CENPU: variants seen among roughly 807,000 people sequenced by gnomAD.
The protein encoded by CENPU is centromere protein U.
CENPU carries 46 observed loss-of-function variants against 56.7 expected under a neutral mutation model. The observed-to-expected ratio is 0.81, with a 90% confidence interval of 0.64 to 1.04. The LOEUF (loss-of-function observed/expected upper bound fraction) is 1.04, where lower values mean the gene tolerates loss of function less well. Ranked by LOEUF, CENPU falls within the 50% of genes least tolerant of loss-of-function variation. The probability of loss-of-function intolerance (pLI) is 0.00; values close to 1 mark genes in which losing one functional copy is unlikely to be tolerated. For missense variants in CENPU, 510 were observed against 490.1 expected, an observed-to-expected ratio of 1.04 and a Z score of -0.38; for synonymous variants, 166 against 163.0, an observed-to-expected ratio of 1.02 and a Z score of -0.14.
chr4:184,697,798 TCTAAC>T lies in CENPU; in HGVS notation c.987_991del (p.Leu330AlafsTer11). 1 of 1,596,466 alleles carries T rather than the reference TCTAAC, an allele frequency of 6.3e-7. No homozygotes were observed. ...TGTTTGTAGTTGTTTCAGCTGTGGCTCTAACCTAAAACAAAAATAAGTGACAAATA... is the reference window on the plus strand; with the variant it reads ...TGTTTGTAGTTGTTTCAGCTGTGGCTCTAAAACAAAAATAAGTGACAAATA... On this transcript the variant is annotated frameshift_variant and splice_region_variant, in exon 12 of 13. Transcript: ENST00000281453. LOFTEE classifies it high-confidence loss of function.
intron 8 of CENPU, among the ~76,000 whole-genome samples, chr4:184,707,915 C>G (rs1760781255): frequency 6.6e-6 from 1 of 152,062 alleles, no homozygotes. Flanking sequence ...AACATGAATA[C>G]AAGACACAAA....
intron 4 of CENPU, among the ~76,000 whole-genome samples, chr4:184,719,909 G>T (rs1336572740): frequency 6.6e-6 from 1 of 152,118 alleles, no homozygotes; most frequent in Admixed American, 6.5e-5. Flanking sequence ...ACAAATGATG[G>T]ATCCAAACAA....
In CENPU at chr4:184,728,923, G is replaced by T. The variant is rs746330206; in HGVS notation, c.209C>A (p.Thr70Asn). ...ENEKDEETYE[T>N]FDPPLHSTAI... is the part of the protein sequence containing the mutation. ...TAAAGATTTAAAGTACTAACCAAAG[G>T]TCTCATAAGTTTCTTCATCTTTCTC... The change falls in exon 3 of 13, where the codon ACC becomes AAC. Residue 70 changes from threonine (T) to asparagine (N), a missense_variant. By Grantham distance (65) the Thr-to-Asn change is moderately conservative. Transcript: ENST00000281453. 12 of 1,609,568 alleles carry T rather than the reference G, an allele frequency of 7.5e-6. No homozygotes were observed. The highest frequency in any genetic ancestry group is 2.2e-5 in the East Asian group (1 of 44,850).
intron 2 of CENPU, among the ~76,000 whole-genome samples, chr4:184,729,258 TTAAAA>T (rs1247814859): frequency 2.0e-5 from 3 of 152,224 alleles, no homozygotes; most frequent in Non-Finnish European, 2.9e-5. Flanking sequence ...AATGTTTCAG[TTAAAA>T]TAAAAAGAAA....
At chr4:184,712,750 C>T (rs975190196) in intron 7 of CENPU, among the ~76,000 whole-genome samples, 194 bp downstream of exon 7, 3 of 151,860 alleles carry the variant, frequency 2.0e-5, no homozygotes, top group Non-Finnish European at 4.4e-5. Flanking sequence ...ATTTTTTTCA[C>T]CTTAGTTGCA....
chr4:184,701,104 G>T (rs1416389536), intron 10 of CENPU, among the ~76,000 whole-genome samples: 1 of 152,052 alleles, frequency 6.6e-6, no homozygotes, highest in African/African-American at 2.4e-5. Flanking sequence ...GAAAAGCAGG[G>T]GTATCTACTT....
rs1202476871 is a variant in CENPU, at chr4:184,694,448, T to C, written c.*840A>G. ...CTTAATACCTTACTTCAACATAGAGTATAAGGTTAAATCACATATCCTGAG... is the reference window on the plus strand; with the variant it reads ...CTTAATACCTTACTTCAACATAGAGCATAAGGTTAAATCACATATCCTGAG... On this transcript the variant is annotated 3_prime_UTR_variant, in exon 13 of 13. Transcript: ENST00000281453. 1 of 1,531,084 alleles carries C rather than the reference T, an allele frequency of 6.5e-7. No homozygotes were observed. The highest frequency in any genetic ancestry group is 1.3e-5 in the South Asian group (1 of 78,372). The allele number at this position is 1,531,084 out of a possible 1,614,324, so 94.8% of individuals were successfully genotyped here.
At chr4:184,697,876 T>G in intron 11 of CENPU, 73 bp from the exon 12 acceptor site, 3 of 1,200,376 alleles carry the variant, frequency 2.5e-6, no homozygotes, top group Non-Finnish European at 3.5e-6. Context: ...GTAAGTACGC[T>G]GAGCGAGTGT....
Position 184,694,660 on chromosome 4 carries a change from T to G in CENPU, c.*628A>C. 1 of 1,614,194 alleles carries G rather than the reference T, an allele frequency of 6.2e-7. No individual in the cohort carries two copies. The highest frequency in any genetic ancestry group is 8.5e-7 in the Non-Finnish European group (1 of 1,180,028). On this transcript the variant is annotated 3_prime_UTR_variant, in exon 13 of 13. Coordinates refer to ENST00000281453, the MANE Select transcript of CENPU (RefSeq NM_024629.4). Reference sequence around the variant, plus strand: ...GGATAATGGCATTGATGATGCTTATTTTTTAGAAGCTACTGAAGATGCTGA... The same window carrying G: ...GGATAATGGCATTGATGATGCTTATGTTTTAGAAGCTACTGAAGATGCTGA...
At chr4:184,715,461 C>A (rs990103925) in intron 6 of CENPU, among the ~76,000 whole-genome samples, 2 of 152,110 alleles carry the variant, frequency 1.3e-5, no homozygotes, top group African/African-American at 4.8e-5. Flanking sequence ...TACAGGCACG[C>A]GCCACCACAT....
In CENPU at chr4:184,694,484, C is replaced by G. The variant is rs111245648; in HGVS notation, c.*804G>C. 7.6e-6 allele frequency: 12 copies of G among 1,589,038 alleles called. No individual in the cohort carries two copies. The African/African-American group carries it at 9.5e-5, about 13-fold the overall frequency. On this transcript the variant is annotated 3_prime_UTR_variant, in exon 13 of 13. Coordinates refer to ENST00000281453, the MANE Select transcript of CENPU (RefSeq NM_024629.4). ...ATCACATATCCTGAGTAAATATTTT[C>G]CTATCCCACTCTCTATCCCTTCACC...
rs2871417 is a variant in CENPU at position 184,733,556 on chromosome 4, C to T, written c.47+460G>A. ...GAGAACCGCAAGCGGCAGCTCGGTCCCCCAGCCGGATTTATGCTCCAGTTT... is the reference window on the plus strand; with the variant it reads ...GAGAACCGCAAGCGGCAGCTCGGTCTCCCAGCCGGATTTATGCTCCAGTTT... On this transcript the variant is annotated intron_variant, in intron 1 of 12. Transcript: ENST00000281453. 4.4e-3 allele frequency: 1,240 copies of T among 282,068 alleles called. 26 individuals are homozygous for T. Among genetic ancestry groups the T allele is most frequent in the South Asian group, 0.037 (358 of 9,730 alleles). 17.5% of individuals were successfully genotyped at this position (282,068 alleles called of 1,614,324 possible).
intron 12 of CENPU, among the ~76,000 whole-genome samples, chr4:184,696,552 A>T (rs1760327439): frequency 6.6e-6 from 1 of 152,180 alleles, no homozygotes; most frequent in South Asian, 2.1e-4. Flanking sequence ...AAATACCTTT[A>T]AAAGCATTCT....
chr4:184,733,445 A>G, intron 1 of CENPU: 1 of 988,144 alleles, frequency 1.0e-6, no homozygotes, highest in Non-Finnish European at 1.2e-6. Flanking sequence ...TCGCCAACGA[A>G]TCAGCGACCA....
At chr4:184,708,075 T>C (rs1406458340) in intron 8 of CENPU, among the ~76,000 whole-genome samples, 1 of 151,568 alleles carries the variant, frequency 6.6e-6, no homozygotes, top group East Asian at 1.9e-4. Flanking sequence ...ATACAAAAAA[T>C]TAGCTGGGCG....
intron 4 of CENPU, among the ~76,000 whole-genome samples, chr4:184,722,932 C>A (rs914654084): frequency 4.6e-5 from 7 of 152,128 alleles, no homozygotes; most frequent in African/African-American, 1.7e-4. Flanking sequence ...TGGCAAAAAT[C>A]CAAGTTTGAT....
intron 10 of CENPU, among the ~76,000 whole-genome samples, chr4:184,701,302 A>G (rs1424611142): frequency 6.6e-6 from 1 of 152,196 alleles, no homozygotes; most frequent in Non-Finnish European, 1.5e-5. Flanking sequence ...TTTAGTGACT[A>G]CCTAATTCTC....
At chr4:184,730,867 G>A in intron 2 of CENPU, 53 bp downstream of exon 2, 1 of 1,431,988 alleles carries the variant, frequency 7.0e-7, no homozygotes. Flanking sequence ...CCCAAAAAAT[G>A]TTATTTTGTA....
chr4:184,695,851 C>G (rs547686872), intron 12 of CENPU, among the ~76,000 whole-genome samples: 1 of 152,044 alleles, frequency 6.6e-6, no homozygotes, highest in African/African-American at 2.4e-5. Flanking sequence ...CATAAAAGTT[C>G]TTAAGGAAAA....
Sources: allele counts gnomAD v4.1 joint callset (sites outside exome capture counted in the v4.1 genomes callset), GRCh38; gene constraint gnomAD v4.1.1; transcripts MANE v1.5; gene names NCBI Gene and HGNC (gene_info 2026-07-23, HGNC 2026-07-21).